The following RNF17 variants were observed in gnomAD, a reference collection of about 807,000 sequenced individuals.
The protein encoded by RNF17 is spermatogenesis associated 23.
A neutral mutation model predicts 200.5 loss-of-function variants in RNF17; 31 were observed. The ratio of observed to expected loss-of-function variants is 0.15; its 90% CI spans 0.12 to 0.21. The LOEUF (loss-of-function observed/expected upper bound fraction) is 0.21. Ranked by LOEUF, RNF17 falls within the 10% of genes least tolerant of loss-of-function variation. The pLI is 1.00. For synonymous variants in RNF17, 606 were observed against 637.8 expected (o/e 0.95, Z 0.75); for missense variants, 1,628 against 1,905.1 (o/e 0.85, Z 2.71).
intron 1 of RNF17, among the ~76,000 whole-genome samples, chr13:24,765,191 A>G (rs1879476231): frequency 6.6e-6 from 1 of 151,918 alleles, no homozygotes; most frequent in African/African-American, 2.4e-5. Context: ...AATTTTTTGT[A>G]TATTTAGTAG....
At chr13:24,815,600 A>T (rs1396654372) in intron 15 of RNF17, among the ~76,000 whole-genome samples, 1 of 152,098 alleles carries the variant, frequency 6.6e-6, no homozygotes. Flanking sequence ...AGGATTTCCA[A>T]TATCATGTTG....
the RNF17 span, among the ~76,000 whole-genome samples, chr13:24,887,585 T>C: frequency 6.6e-6 from 1 of 152,182 alleles, no homozygotes; most frequent in Non-Finnish European, 1.5e-5. Context: ...GATGGGACCA[T>C]CTAATTGCAG....
At chr13:24,809,169 T>C (rs200884653) in intron 15 of RNF17, among the ~76,000 whole-genome samples, 18,401 of 149,388 alleles carry the variant, frequency 0.12, 1,215 homozygotes, top group Admixed American at 0.15. Flanking sequence ...TAAAATGAGT[T>C]AGGGAGGATT....
chr13:24,846,390 C>T (rs751028389), intron 22 of RNF17, among the ~76,000 whole-genome samples: 6 of 152,222 alleles, frequency 3.9e-5, no homozygotes, highest in Non-Finnish European at 8.8e-5. Context: ...AGCCTCTAAG[C>T]CAAAAATAAC....
At chr13:24,862,674 G>A (rs1893216204) in intron 27 of RNF17, 39 bp from the exon 28 acceptor site, 3 of 1,306,024 alleles carry the variant, frequency 2.3e-6, no homozygotes, top group Non-Finnish European at 3.3e-6. Context: ...CTGATTTTAT[G>A]AAAGCATAAA....
At chr13:24,851,434 C>T (rs746720609) in intron 23 of RNF17, 22 bp from the exon 24 acceptor site, 2 of 1,502,640 alleles carry the variant, frequency 1.3e-6, no homozygotes, top group African/African-American at 2.8e-5. Flanking sequence ...TTCATATTTA[C>T]TCTGCTCTTA....
rs1299674313 is a variant in RNF17, at chr13:24,864,941, T to C, written c.4044T>C (p.Tyr1348=). 1 of 1,571,008 alleles carries C rather than the reference T, an allele frequency of 6.4e-7. No individual in the cohort carries two copies. Among genetic ancestry groups the C allele is most frequent in the Non-Finnish European group, 8.7e-7 (1 of 1,153,258 alleles). The change falls in exon 29 of 36, where the codon TAT becomes TAC. Residue 1348 remains tyrosine (Y), a synonymous_variant. Coordinates refer to ENST00000255324, the MANE Select transcript of RNF17 (RefSeq NM_031277.3). ...ATTTTGATGGAATGTCACTTTCTTA[T>C]TTTATGGCATACTATAAATACTGTA... ...HLYFDGMSLS[Y]FMAYYKYCTS... is the part of the protein sequence containing the mutation.
At chr13:24,816,159 C>G (rs1225150826) in intron 15 of RNF17, among the ~76,000 whole-genome samples, 5 of 152,172 alleles carry the variant, frequency 3.3e-5, no homozygotes, top group Non-Finnish European at 7.3e-5. Context: ...CTTACCCTCC[C>G]AAAGTGCTGG....
intron 18 of RNF17, among the ~76,000 whole-genome samples, chr13:24,841,443 A>G (rs1353746162): frequency 1.3e-5 from 2 of 152,218 alleles, no homozygotes; most frequent in Non-Finnish European, 2.9e-5. Context: ...CACTTCTTCA[A>G]TGAATGTATT....
intron 18 of RNF17, among the ~76,000 whole-genome samples, 188 bp downstream of exon 18, chr13:24,832,166 A>G (rs1889486564): frequency 6.6e-6 from 1 of 152,226 alleles, no homozygotes; most frequent in South Asian, 2.1e-4. Context: ...GACAAAAATC[A>G]CCATAAAAGA....
rs551055286 is a variant in RNF17 at position 24,839,266 on chromosome 13, A to G, written c.2483-2775A>G. 3.9e-5 allele frequency among the ~76,000 whole-genome samples: 6 copies of G among 152,152 alleles called. No individual in the cohort carries two copies. The East Asian group carries it at 7.7e-4, about 20-fold the overall frequency. On this transcript the variant is annotated intron_variant, in intron 18 of 35. Transcript: ENST00000255324. ...ATTCTATCATATTGCAATGGTACCC[A>G]TATTGATGGGTAGAATGAATATTGT... is the stretch of plus-strand genomic sequence containing the variant.
Position 24,842,126 on chromosome 13 carries a change from G to T in RNF17, c.2568G>T (p.Gln856His), listed in dbSNP as rs1390118322. Residue 856 changes from glutamine to histidine, a missense_variant, in exon 19 of 36, where the codon CAG becomes CAT. Gln to His is a conservative substitution (Grantham distance 24). Transcript: ENST00000255324. Reference sequence around the variant, plus strand: ...TGACTACTACTAGTATTAATGACCAGCTAGTTAAAGAGGGCCTAGCATCTT... The same window carrying T: ...TGACTACTACTAGTATTAATGACCATCTAGTTAAAGAGGGCCTAGCATCTT... ...PEMTTTSIND[Q>H]LVKEGLASYE... 5 of 1,609,986 alleles carry T rather than the reference G, an allele frequency of 3.1e-6. No individual in the cohort carries two copies. Among genetic ancestry groups the T allele is most frequent in the Non-Finnish European group, 4.2e-6 (5 of 1,177,204 alleles).
intron 28 of RNF17, among the ~76,000 whole-genome samples, chr13:24,863,606 A>AT (rs1593466340): frequency 6.6e-6 from 1 of 152,200 alleles, no homozygotes; most frequent in East Asian, 1.9e-4. Flanking sequence ...TGATAGAGTG[A>AT]TAAAAACCTA....
chr13:24,788,195 G>A, intron 7 of RNF17, 36 bp downstream of exon 7: 1 of 1,475,948 alleles, frequency 6.8e-7, no homozygotes, highest in South Asian at 1.3e-5. Context: ...TTATTTCTGT[G>A]GTAGCTTATT....
chr13:24,782,040 T>TAAACAAGTTTGTAATGGGTAACTTTC, intron 6 of RNF17, 96 bp downstream of exon 6: 1 of 812,736 alleles, frequency 1.2e-6, no homozygotes, highest in Non-Finnish European at 2.0e-6. Context: ...GGGTAACTTT[T>TAAACAAGTTTGTAATGGGTAACTTTC]AAACAAGTTT....
the RNF17 span, among the ~76,000 whole-genome samples, chr13:24,748,009 G>T: frequency 6.6e-6 from 1 of 152,246 alleles, no homozygotes; most frequent in Admixed American, 6.5e-5. Flanking sequence ...CCGGGGCGGG[G>T]CTGCTGGACT....
At chr13:24,755,067 A>G in the RNF17 span, among the ~76,000 whole-genome samples, 1 of 152,040 alleles carries the variant, frequency 6.6e-6, no homozygotes, top group Non-Finnish European at 1.5e-5. Flanking sequence ...TATAATATCT[A>G]TATTTGTCCT....
At chr13:24,837,651 A>C (rs1015798584) in intron 18 of RNF17, among the ~76,000 whole-genome samples, 1 of 152,212 alleles carries the variant, frequency 6.6e-6, no homozygotes, top group South Asian at 2.1e-4. Flanking sequence ...ACTGAACGAC[A>C]TAATGACACA....
rs535306080 is a variant in RNF17, at chr13:24,873,351, A to G, written c.4448-763A>G. ...TATGAACAGAAAAAGAGAAGCCAAC[A>G]TAAGACCAACTGTTCAATATTTAAT... is the stretch of plus-strand genomic sequence containing the variant. On this transcript the variant is annotated intron_variant, in intron 32 of 35. Coordinates refer to ENST00000255324, the MANE Select transcript of RNF17 (RefSeq NM_031277.3). Among the ~76,000 whole-genome samples, 31 of 152,368 alleles carry G rather than the reference A, an allele frequency of 2.0e-4. 2 individuals carry two copies. In the South Asian group the frequency reaches 4.6e-3, roughly 22 times the overall value.
Sources: gnomAD v4.1 joint callset for allele counts (sites outside exome capture counted in the v4.1 genomes callset) on GRCh38, gnomAD v4.1.1 for gene constraint, MANE v1.5 for transcripts, NCBI Gene and HGNC (gene_info 2026-07-23, HGNC 2026-07-21) for gene names.